RSPO2: variants seen among roughly 807,000 people sequenced by gnomAD.
The protein encoded by RSPO2 is R-spondin-2.
In RSPO2, 14 loss-of-function variants were observed where a neutral mutation model predicts 30.9. The observed-to-expected ratio is 0.45, with a 90% CI of 0.30 to 0.71. The LOEUF (loss-of-function observed/expected upper bound fraction) is 0.71, where lower values mean the gene tolerates loss of function less well. Ranked by LOEUF, RSPO2 falls within the 30% of genes least tolerant of loss-of-function variation. RSPO2 has a pLI of 0.08. For missense variants in RSPO2, 264 were observed against 301.9 expected, an observed-to-expected ratio of 0.87 and a Z score of 0.93; for synonymous variants, 107 against 96.4, an observed-to-expected ratio of 1.11 and a Z score of -0.64.
chr8:108,028,051 G>T (rs1293903607), intron 2 of RSPO2, among the ~76,000 whole-genome samples: 2 of 152,132 alleles, frequency 1.3e-5, no homozygotes, highest in African/African-American at 4.8e-5. Context: ...GGAGTTCCAA[G>T]TTCTTAGGCT....
chr8:108,002,291 T>C (rs772065346), intron 2 of RSPO2, among the ~76,000 whole-genome samples: 20 of 152,318 alleles, frequency 1.3e-4, no homozygotes, highest in Middle Eastern at 3.4e-3. Flanking sequence ...TACAGGGAGA[T>C]AATCCAATTA....
chr8:108,033,483 T>C (rs1811495209), intron 2 of RSPO2, among the ~76,000 whole-genome samples: 1 of 152,228 alleles, frequency 6.6e-6, no homozygotes, highest in Non-Finnish European at 1.5e-5. Context: ...TAAGCATGCC[T>C]GAGAGGCAGG....
At chr8:107,983,001 T>C (rs1586600274) in intron 3 of RSPO2, 1 of 657,582 alleles carries the variant, frequency 1.5e-6, no homozygotes. Flanking sequence ...GACTGGCTCC[T>C]GGGGTGCAGA....
At chr8:107,966,039 T>C (rs1315038421) in intron 3 of RSPO2, among the ~76,000 whole-genome samples, 19 of 152,126 alleles carry the variant, frequency 1.2e-4, no homozygotes, top group Admixed American at 1.2e-3. Context: ...ATATGGCAAG[T>C]GACGGGTCCA....
intron 5 of RSPO2, among the ~76,000 whole-genome samples, chr8:107,916,249 C>T (rs1318793916): frequency 6.6e-6 from 1 of 152,118 alleles, no homozygotes; most frequent in Non-Finnish European, 1.5e-5. Flanking sequence ...AATGCTTTGT[C>T]ATAAACTGCC....
intron 5 of RSPO2, among the ~76,000 whole-genome samples, chr8:107,920,712 G>A (rs186784878): frequency 2.0e-4 from 31 of 152,102 alleles, no homozygotes; most frequent in African/African-American, 5.8e-4. Flanking sequence ...AATTAGATAC[G>A]TTCCCATTAA....
intron 2 of RSPO2, among the ~76,000 whole-genome samples, chr8:108,002,530 CTATT>C (rs746207402): frequency 3.9e-5 from 6 of 152,170 alleles, no homozygotes; most frequent in Non-Finnish European, 8.8e-5. Context: ...AGGATGGACT[CTATT>C]TAATGTATAA....
intron 3 of RSPO2, among the ~76,000 whole-genome samples, chr8:107,987,124 G>C (rs1025514306): frequency 6.6e-6 from 1 of 152,050 alleles, no homozygotes; most frequent in Non-Finnish European, 1.5e-5. Flanking sequence ...TTAGCTAGAA[G>C]ACCTTAGGAT....
chr8:108,039,691 C>G (rs562287765), intron 2 of RSPO2, among the ~76,000 whole-genome samples: 83 of 152,270 alleles, frequency 5.5e-4, no homozygotes, highest in Non-Finnish European at 1.0e-3. Context: ...TCAACTCTGT[C>G]TCTTCCCATC....
At chr8:107,955,135 C>T (rs1813380761) in intron 5 of RSPO2, among the ~76,000 whole-genome samples, 1 of 152,122 alleles carries the variant, frequency 6.6e-6, no homozygotes. Flanking sequence ...GTGTTCAGAT[C>T]CTTCATTGTG....
Position 107,963,522 on chromosome 8 carries a change from C to CAAAAAAAAAAAAAAAAAA in RSPO2, c.284-2723_284-2706dup, listed in dbSNP as rs61697128. ...TTAGGCAATGAAGTGAGACCTGTCTCAAAAAAAAAAAAAAAAAAAAAAAAA... is the reference window on the plus strand; with the variant it reads ...TTAGGCAATGAAGTGAGACCTGTCTCAAAAAAAAAAAAAAAAAAAAAAAAAAAAAAAAAAAAAAAAAAA... On this transcript the variant is annotated intron_variant, in intron 3 of 5. Transcript: ENST00000276659. 1.6e-4 allele frequency among the ~76,000 whole-genome samples: 5 copies of CAAAAAAAAAAAAAAAAAA among 32,014 alleles called. 1 individual carries two copies. Among genetic ancestry groups the CAAAAAAAAAAAAAAAAAA allele is most frequent in the South Asian group, 1.9e-3 (1 of 534 alleles). The allele number at this position is 32,014 out of a possible 152,430, so 21.0% of individuals were successfully genotyped here. A position where few individuals can be genotyped will look rare whatever the true frequency, so the allele number is the denominator to read the frequency against.
In RSPO2 at chr8:107,958,278, A is replaced by C. The variant is rs757504170; in HGVS notation, c.428-10T>G. On this transcript the variant is annotated splice_polypyrimidine_tract_variant and intron_variant, in intron 4 of 5. Transcript: ENST00000276659. The stretch of plus-strand genomic sequence containing the variant: ...CCAACTTCACATCCTTCTAGTAAAG[A>C]TTTTTAGAAAAAGAAAAAAAAACAC... 36 of 1,598,200 alleles carry C rather than the reference A, an allele frequency of 2.3e-5. No homozygotes were observed. Among genetic ancestry groups the C allele is most frequent in the Non-Finnish European group, 3.0e-5 (35 of 1,172,060 alleles).
rs188201976 is a variant in RSPO2 at position 108,029,774 on chromosome 8, G to A, written c.95-40530C>T. Among the ~76,000 whole-genome samples, 38 of 152,314 alleles carry A rather than the reference G, an allele frequency of 2.5e-4. 1 individual carries two copies. The highest frequency in any genetic ancestry group is 2.4e-3 in the Admixed American group (36 of 15,298). The stretch of plus-strand genomic sequence containing the variant: ...TAATATTCCTTAGTGGATGAGAAGA[G>A]GGTATCGACAGGAGTTATTACAGCT... On this transcript the variant is annotated intron_variant, in intron 2 of 5. Coordinates refer to ENST00000276659, the MANE Select transcript of RSPO2 (RefSeq NM_178565.5).
chr8:107,978,649 G>C (rs971289487), intron 3 of RSPO2, among the ~76,000 whole-genome samples: 1 of 152,116 alleles, frequency 6.6e-6, no homozygotes, highest in Non-Finnish European at 1.5e-5. Flanking sequence ...AACACCAAAA[G>C]CAATGGCAAC....
intron 3 of RSPO2, among the ~76,000 whole-genome samples, chr8:107,988,233 A>G (rs1425978871): frequency 2.0e-5 from 3 of 152,070 alleles, no homozygotes; most frequent in Non-Finnish European, 2.9e-5. Flanking sequence ...TATAATTCAG[A>G]TTACTTTAAA....
chr8:107,984,486 A>G (rs1814560318), intron 3 of RSPO2, among the ~76,000 whole-genome samples: 1 of 152,228 alleles, frequency 6.6e-6, no homozygotes. Flanking sequence ...TATATGTGCC[A>G]CACTTTGCAC....
chr8:107,977,501 C>A (rs1814257414), intron 3 of RSPO2, among the ~76,000 whole-genome samples: 1 of 152,146 alleles, frequency 6.6e-6, no homozygotes, highest in Non-Finnish European at 1.5e-5. Context: ...GAACAACTCC[C>A]ATCTTTGGGA....
intron 2 of RSPO2, among the ~76,000 whole-genome samples, chr8:108,001,739 G>C: frequency 6.6e-6 from 1 of 151,872 alleles, no homozygotes. Context: ...CCACCTGCTT[G>C]AATCAGTGAG....
intron 2 of RSPO2, among the ~76,000 whole-genome samples, chr8:107,992,030 C>T (rs186223559): frequency 3.1e-3 from 465 of 152,250 alleles, no homozygotes; most frequent in African/African-American, 0.01. Flanking sequence ...AATCCCATTA[C>T]GGGGTATATA....
Sources: allele counts gnomAD v4.1 joint callset (sites outside exome capture counted in the v4.1 genomes callset), GRCh38; gene constraint gnomAD v4.1.1; transcripts MANE v1.5; gene names NCBI Gene and HGNC (gene_info 2026-07-23, HGNC 2026-07-21).